Variants in LPIN1 observed in about 807,000 individuals in gnomAD.
LPIN1 encodes the protein lipin 1, also known as phosphatidate phosphatase LPIN1.
Under a neutral mutation model 107.5 loss-of-function variants are expected in LPIN1, and 71 were observed. The ratio of observed to expected loss-of-function variants is 0.66; its 90% confidence interval spans 0.55 to 0.80. The LOEUF (loss-of-function observed/expected upper bound fraction) is 0.80. Ranked by LOEUF, LPIN1 falls within the 30% of genes least tolerant of loss-of-function variation. The probability of loss-of-function intolerance (pLI) is 0.00; values close to 1 mark genes in which losing one functional copy is unlikely to be tolerated. For missense variants in LPIN1, 1,043 were observed against 1,160.6 expected, an observed-to-expected ratio of 0.90 and a Z score of 1.47; for synonymous variants, 445 against 452.6, an observed-to-expected ratio of 0.98 and a Z score of 0.21.
chr2:11,755,508 G>T (rs999650094), intron 1 of LPIN1, among the ~76,000 whole-genome samples: 1 of 152,146 alleles, frequency 6.6e-6, no homozygotes. Flanking sequence ...TGTCTGTTCA[G>T]CCACTTGACA....
At chr2:11,696,015 C>CA (rs1174947659) in intron 1 of LPIN1, among the ~76,000 whole-genome samples, 1 of 151,022 alleles carries the variant, frequency 6.6e-6, no homozygotes, top group Non-Finnish European at 1.5e-5. Flanking sequence ...CATCCTTCAC[C>CA]ATCCTATGGC....
intron 12 of LPIN1, among the ~76,000 whole-genome samples, chr2:11,788,707 C>G (rs937219378): frequency 6.6e-6 from 1 of 152,204 alleles, no homozygotes; most frequent in Non-Finnish European, 1.5e-5. Context: ...TTCTCAATAT[C>G]TGCCATGCAA....
rs12989895 is a variant in LPIN1 at position 11,765,179 on chromosome 2, A to G, written c.-9-354A>G. On this transcript the variant is annotated intron_variant, in intron 1 of 20. Transcript: ENST00000674199. This position sits in a 1 kb window ranked among gnomAD's most constrained non-coding sequence, Gnocchi z 4.4. The stretch of plus-strand genomic sequence containing the variant: ...GATGGGCCGTAACGGGCCGTGATGG[A>G]CCCTGATGGGCTGTGATGGTCCGTG... Among the ~76,000 whole-genome samples the G allele has an allele frequency of 6.8e-6, 1 of 148,118 alleles. No homozygotes were observed. Among genetic ancestry groups the G allele is most frequent in the Non-Finnish European group, 1.5e-5 (1 of 67,252 alleles).
chr2:11,731,240 CT>C (rs878955457), intron 1 of LPIN1, among the ~76,000 whole-genome samples: 1 of 152,122 alleles, frequency 6.6e-6, no homozygotes, highest in South Asian at 2.1e-4. Flanking sequence ...CCCCCACCCC[CT>C]GACTGGCCCC....
chr2:11,784,418 TCTGGACAGGGGCGCAGCACCGGG>T, intron 9 of LPIN1: 1 of 1,115,306 alleles, frequency 9.0e-7, no homozygotes, highest in African/African-American at 1.7e-5. Flanking sequence ...GCGCCCCACC[TCTGGACAGGGGCGCAGCACCGGG>T]CTGCCCTCCC....
rs1187292607 is a variant in LPIN1 at position 11,795,443 on chromosome 2, C to G, written c.1842C>G (p.Ala614=). 2.5e-6 allele frequency: 4 copies of G among 1,613,946 alleles called. No homozygotes were observed. Among genetic ancestry groups the G allele is most frequent in the Non-Finnish European group, 3.4e-6 (4 of 1,180,016 alleles). The change falls in exon 14 of 21, where the codon GCC becomes GCG. Residue 614 remains alanine, a synonymous_variant. Transcript: ENST00000674199. ...SKPEQCLAGK[A]HSTGEQPPQL... ...CAGAGCAGTGCTTGGCTGGCAAGGC[C>G]CATAGCACCGGAGAGCAACCGCCGC...
At chr2:11,702,314 G>A (rs1049105026) in intron 1 of LPIN1, among the ~76,000 whole-genome samples, 1 of 152,232 alleles carries the variant, frequency 6.6e-6, no homozygotes, top group Non-Finnish European at 1.5e-5. Context: ...TACACAGGCT[G>A]TCCCTAGTTG....
At chr2:11,742,223 G>C (rs148372470), upstream of LPIN1, 1 of 152,276 alleles carries the variant, frequency 6.6e-6, no homozygotes, top group African/African-American at 2.4e-5. Context: ...TACAGACTGC[G>C]TATACGATGG....
intron 1 of LPIN1, among the ~76,000 whole-genome samples, chr2:11,748,009 T>A (rs903622438): frequency 5.9e-5 from 9 of 152,362 alleles, no homozygotes; most frequent in Admixed American, 5.9e-4. Flanking sequence ...AGGTCTCGCT[T>A]ATCAGCAGTT....
At chr2:11,726,098 C>CAGCCAT in intron 1 of LPIN1, among the ~76,000 whole-genome samples, 1 of 152,300 alleles carries the variant, frequency 6.6e-6, no homozygotes, top group African/African-American at 2.4e-5. Context: ...AATCAATTCA[C>CAGCCAT]AGCCATAGCT....
chr2:11,747,268 C>T (rs1003292392), intron 1 of LPIN1, among the ~76,000 whole-genome samples: 8 of 152,212 alleles, frequency 5.3e-5, no homozygotes, highest in Non-Finnish European at 7.3e-5. Flanking sequence ...GGCCTCTGCA[C>T]CTTTCTTGCA....
intron 6 of LPIN1, among the ~76,000 whole-genome samples, chr2:11,776,944 C>T (rs1193125697): frequency 6.6e-6 from 1 of 152,208 alleles, no homozygotes; most frequent in African/African-American, 2.4e-5. Flanking sequence ...TCAGAGGCTA[C>T]ATTTGCAGAA....
At chr2:11,705,922 C>T (rs1465605132) in intron 1 of LPIN1, among the ~76,000 whole-genome samples, 1 of 152,104 alleles carries the variant, frequency 6.6e-6, no homozygotes, top group Admixed American at 6.6e-5. Context: ...GTGGGAGGAA[C>T]CCAGTGGGAG....
At chr2:11,679,521 G>A (rs568266674) in intron 1 of LPIN1, among the ~76,000 whole-genome samples, 3 of 152,292 alleles carry the variant, frequency 2.0e-5, no homozygotes, top group Admixed American at 2.0e-4. Flanking sequence ...TTCCTTCACC[G>A]AAGGCTCCTT....
chr2:11,785,340 G>A (rs1674365749), intron 10 of LPIN1, among the ~76,000 whole-genome samples: 2 of 152,228 alleles, frequency 1.3e-5, no homozygotes, highest in Admixed American at 6.5e-5. Flanking sequence ...GGCCTCCAGA[G>A]GCCTGCAGGC....
At chr2:11,793,510 A>G (rs1032042797) in intron 13 of LPIN1, among the ~76,000 whole-genome samples, 5 of 152,222 alleles carry the variant, frequency 3.3e-5, no homozygotes, top group East Asian at 1.9e-4. Context: ...ACCACGGCCT[A>G]CAGTGCTTGT....
intron 17 of LPIN1, among the ~76,000 whole-genome samples, chr2:11,811,195 A>T (rs1217392433): frequency 2.0e-5 from 3 of 152,164 alleles, no homozygotes. Flanking sequence ...AGGAGTGCTC[A>T]GTGAGTGAGT....
At chr2:11,690,687 A>G (rs1296564946) in intron 1 of LPIN1, among the ~76,000 whole-genome samples, 1 of 151,922 alleles carries the variant, frequency 6.6e-6, no homozygotes, top group Admixed American at 6.6e-5. Context: ...CTTCCTTACT[A>G]TATTTTACTT....
intron 17 of LPIN1, among the ~76,000 whole-genome samples, chr2:11,811,036 A>T (rs1679556493): frequency 6.6e-6 from 1 of 151,952 alleles, no homozygotes; most frequent in Non-Finnish European, 1.5e-5. Context: ...TGATGTGTGT[A>T]TCGCACCTTT....
Sources: allele counts gnomAD v4.1 joint callset (sites outside exome capture counted in the v4.1 genomes callset), GRCh38; gene constraint gnomAD v4.1.1; non-coding constraint Gnocchi (gnomAD v3.1); transcripts MANE v1.5; gene names NCBI Gene and HGNC (gene_info 2026-07-23, HGNC 2026-07-21).